OTOGL: variants seen among roughly 807,000 people sequenced by gnomAD.
OTOGL encodes otogelin-like protein.
In OTOGL, 285 loss-of-function variants were observed where a neutral mutation model predicts 318.5. The ratio of observed to expected loss-of-function variants is 0.89; its 90% confidence interval spans 0.81 to 0.99. The LOEUF (loss-of-function observed/expected upper bound fraction) is 0.99, where lower values mean the gene tolerates loss of function less well. Among genes scored for constraint, OTOGL ranks in the 50% least tolerant of loss-of-function variants. The pLI is 0.00. For missense variants in OTOGL, 2,899 were observed against 2,845.6 expected, an observed-to-expected ratio of 1.02 and a Z score of -0.43; for synonymous variants, 987 against 936.5, an observed-to-expected ratio of 1.05 and a Z score of -0.99.
chr12:80,234,075 A>G (rs1286267481), intron 9 of OTOGL, among the ~76,000 whole-genome samples: 1 of 151,918 alleles, frequency 6.6e-6, no homozygotes, highest in Non-Finnish European at 1.5e-5. Flanking sequence ...CTTCTGTTCA[A>G]GATGAGGTCT....
At chr12:80,203,800 G>C (rs1450763287) in intron 1 of OTOGL, among the ~76,000 whole-genome samples, 1 of 152,160 alleles carries the variant, frequency 6.6e-6, no homozygotes, top group Non-Finnish European at 1.5e-5. Flanking sequence ...CAAGAAGCTA[G>C]ATTCTCTTTT....
intron 7 of OTOGL, among the ~76,000 whole-genome samples, chr12:80,222,556 A>G (rs1278589729): frequency 1.3e-5 from 2 of 152,190 alleles, no homozygotes; most frequent in Non-Finnish European, 2.9e-5. Flanking sequence ...CTGACAGCTA[A>G]TTGCTAGGTA....
intron 26 of OTOGL, among the ~76,000 whole-genome samples, chr12:80,283,295 T>C (rs1009712531): frequency 1.3e-5 from 2 of 151,972 alleles, no homozygotes; most frequent in African/African-American, 4.8e-5. Context: ...TGGCTTCCAA[T>C]AGCGTCATAA....
At chr12:80,116,331 G>A (rs900703526) in intron 1 of OTOGL, among the ~76,000 whole-genome samples, 1 of 151,870 alleles carries the variant, frequency 6.6e-6, no homozygotes, top group Non-Finnish European at 1.5e-5. Flanking sequence ...GTACTTCCCA[G>A]GTGAGGTCGT....
At chr12:80,291,565 GATGTGCTTTACTTACT>G (rs1427605504) in intron 26 of OTOGL, among the ~76,000 whole-genome samples, 1 of 152,184 alleles carries the variant, frequency 6.6e-6, no homozygotes, top group African/African-American at 2.4e-5. Flanking sequence ...GTCAGAAAGT[GATGTGCTTTACTTACT>G]ACAGGTCACA....
chr12:80,147,606 T>A (rs1391914657), intron 1 of OTOGL, among the ~76,000 whole-genome samples: 2 of 152,046 alleles, frequency 1.3e-5, no homozygotes, highest in Non-Finnish European at 2.9e-5. Context: ...TTCCTGGGTA[T>A]TCTTGTTGAC....
At chr12:80,345,250 G>T (rs1281450775) in intron 44 of OTOGL, among the ~76,000 whole-genome samples, 7 of 138,634 alleles carry the variant, frequency 5.0e-5, no homozygotes, top group Non-Finnish European at 7.7e-5. Flanking sequence ...TTTTTTTGAA[G>T]AGTCTTGCTC....
At chr12:80,371,801 A>G (rs1258623098) in intron 56 of OTOGL, among the ~76,000 whole-genome samples, 2 of 152,152 alleles carry the variant, frequency 1.3e-5, no homozygotes, top group African/African-American at 4.8e-5. Flanking sequence ...ACTCTTTTCC[A>G]TAGTACCAAT....
Position 80,255,171 on chromosome 12 carries a change from G to T in OTOGL, c.1573G>T (p.Ala525Ser). 6.6e-7 allele frequency: 1 copy of T among 1,512,558 alleles called. No homozygotes were observed. 93.7% of individuals were successfully genotyped at this position (1,512,558 alleles called of 1,614,324 possible). ...KDKFTITLQK[A>S]PCEQNLGLVC... ...TAAATTCACGATTACTTTACAGAAA[G>T]CTCCCTGTGAGCAGGTAAGAACATT... The change falls in exon 16 of 59, where the codon GCT (alanine) becomes TCT (serine). Residue 525 changes from alanine to serine, a missense_variant. Around this residue, in one of 3 missense-constraint regions of OTOGL, gnomAD observed 2,607 missense variants for 2,524.9 expected, o/e 1.03. Coordinates refer to ENST00000547103, the MANE Select transcript of OTOGL (RefSeq NM_001378609.3).
At position 80,279,460 on chromosome 12, in the gene OTOGL, G is replaced by T. The variant is rs182705703; in HGVS notation, c.2928+294G>T. On this transcript the variant is annotated intron_variant, in intron 26 of 58. Transcript: ENST00000547103. ...CCCTCCTCCCATCCTTCACCCTTAA[G>T]TAGTAGGCCCCAATGTCTATTATTC... Among the ~76,000 whole-genome samples, 264 of 151,342 alleles carry T rather than the reference G, an allele frequency of 1.7e-3. 1 individual carries two copies. Among genetic ancestry groups the T allele is most frequent in the Middle Eastern group, 0.014 (4 of 294 alleles).
intron 26 of OTOGL, among the ~76,000 whole-genome samples, chr12:80,292,318 C>G (rs955486028): frequency 6.6e-6 from 1 of 152,156 alleles, no homozygotes. Context: ...GAAAACAAAA[C>G]GTAAAGAAGC....
At chr12:80,348,013 G>T (rs1889308529) in intron 44 of OTOGL, among the ~76,000 whole-genome samples, 1 of 152,088 alleles carries the variant, frequency 6.6e-6, no homozygotes, top group Non-Finnish European at 1.5e-5. Context: ...TGTAGAGTCT[G>T]GATATTAGCC....
chr12:80,167,954 C>T (rs1182045546), intron 1 of OTOGL, among the ~76,000 whole-genome samples: 2 of 151,730 alleles, frequency 1.3e-5, no homozygotes, highest in African/African-American at 2.4e-5. Context: ...CTCTCCTCTC[C>T]TTGCCTCTCC....
At chr12:80,375,345 T>C (rs1421518726) in intron 57 of OTOGL, among the ~76,000 whole-genome samples, 1 of 152,208 alleles carries the variant, frequency 6.6e-6, no homozygotes, top group Non-Finnish European at 1.5e-5. Context: ...GTTGGGTTTT[T>C]ACTGGGTGCC....
chr12:80,246,039 T>C (rs1880846419), intron 11 of OTOGL, among the ~76,000 whole-genome samples: 2 of 150,818 alleles, frequency 1.3e-5, no homozygotes, highest in African/African-American at 4.9e-5. Context: ...CTGAAGTTGC[T>C]TACCAGCTTA....
chr12:80,173,941 G>A (rs905258005), intron 1 of OTOGL, among the ~76,000 whole-genome samples: 5 of 152,136 alleles, frequency 3.3e-5, no homozygotes, highest in African/African-American at 1.2e-4. Flanking sequence ...TCTGACAGAA[G>A]GTGTTATCTG....
chr12:80,337,799 G>A (rs912659437), intron 42 of OTOGL, among the ~76,000 whole-genome samples: 9 of 151,958 alleles, frequency 5.9e-5, no homozygotes, highest in Non-Finnish European at 1.2e-4. Context: ...ATTAAAATGA[G>A]CCTAAAAATG....
chr12:80,147,387 A>C (rs1872459250), intron 1 of OTOGL, among the ~76,000 whole-genome samples: 1 of 149,140 alleles, frequency 6.7e-6, no homozygotes, highest in Non-Finnish European at 1.5e-5. Flanking sequence ...CTTAATCCTG[A>C]GTTCTAGTTT....
intron 11 of OTOGL, among the ~76,000 whole-genome samples, chr12:80,251,112 A>T (rs890816454): frequency 6.6e-6 from 1 of 152,210 alleles, no homozygotes; most frequent in African/African-American, 2.4e-5. Flanking sequence ...GGATAAAGAA[A>T]ATGTGGCACA....
Sources: allele counts gnomAD v4.1 joint callset (sites outside exome capture counted in the v4.1 genomes callset), GRCh38; gene constraint gnomAD v4.1.1; regional missense constraint gnomAD v4.1.1; transcripts MANE v1.5; gene names NCBI Gene and HGNC (gene_info 2026-07-23, HGNC 2026-07-21).